Variants in MGST1 observed in about 807,000 individuals in gnomAD.
MGST1 encodes the protein microsomal glutathione S-transferase 1.
MGST1 carries 5 observed loss-of-function variants against 8.9 expected under a neutral mutation model. The ratio of observed to expected loss-of-function variants is 0.56; its 90% CI spans 0.29 to 1.19. The LOEUF is 1.19. Ranked by LOEUF, MGST1 falls within the 50% of genes most tolerant of loss-of-function variation. The pLI, the probability that MGST1 is intolerant of heterozygous loss-of-function variation, is 0.08. For missense variants in MGST1, 182 were observed against 187.4 expected (o/e 0.97, Z 0.17); for synonymous variants, 54 against 67.8 (o/e 0.80, Z 1.00).
At chr12:16,354,092 A>T in intron 1 of MGST1, 139 bp from the exon 2 acceptor site, 3 of 677,442 alleles carry the variant, frequency 4.4e-6, no homozygotes, top group South Asian at 5.3e-5. Flanking sequence ...AAAACTAAAC[A>T]ATCATTTCTT....
intron 1 of MGST1, among the ~76,000 whole-genome samples, chr12:16,405,948 A>G (rs140234406): frequency 0.051 from 7,775 of 152,274 alleles, 643 homozygotes; most frequent in African/African-American, 0.17. Context: ...CTCACAGCCA[A>G]CATCATACTG....
chr12:16,350,095 G>A (rs1250078475), intron 1 of MGST1, among the ~76,000 whole-genome samples: 1 of 152,056 alleles, frequency 6.6e-6, no homozygotes, highest in Non-Finnish European at 1.5e-5. Flanking sequence ...CAGTGAAATG[G>A]GAGTTCTTAT....
rs1455948226 is a variant in MGST1 at position 16,361,898 on chromosome 12, C to G, written c.222-1897C>G. Reference sequence around the variant, plus strand: ...TAGAAAGGTAAAGGAACCCCTGCCCCTTGACCTTCCTTCCCTCTACCCTCA... The same window carrying G: ...TAGAAAGGTAAAGGAACCCCTGCCCGTTGACCTTCCTTCCCTCTACCCTCA... On this transcript the variant is annotated intron_variant, in intron 3 of 3. Coordinates refer to ENST00000396210, the MANE Select transcript of MGST1 (RefSeq NM_020300.5). This position sits in a 1 kb window ranked among gnomAD's most constrained non-coding sequence, Gnocchi z 4.2. 2.0e-5 allele frequency among the ~76,000 whole-genome samples: 3 copies of G among 152,144 alleles called. No homozygotes were observed. Among genetic ancestry groups the G allele is most frequent in the Non-Finnish European group, 4.4e-5 (3 of 68,024 alleles).
chr12:16,359,537 G>A (rs1339966622), intron 3 of MGST1, among the ~76,000 whole-genome samples: 5 of 151,946 alleles, frequency 3.3e-5, no homozygotes, highest in Admixed American at 6.6e-5. Context: ...AATAGTTTCA[G>A]GACAAAGAAT....
chr12:16,476,016 G>A (rs1941320671), intron 4 of MGST1, among the ~76,000 whole-genome samples: 1 of 152,004 alleles, frequency 6.6e-6, no homozygotes, highest in African/African-American at 2.4e-5. Context: ...AGCTTCCTCA[G>A]TTTCCATTTT....
At chr12:16,353,710 T>TA (rs201508980) in intron 1 of MGST1, among the ~76,000 whole-genome samples, 2,133 of 152,076 alleles carry the variant, frequency 0.014, 22 homozygotes, top group South Asian at 0.026. Context: ...TTGCTTGATG[T>TA]CTTCAAGCTA....
intron 1 of MGST1, among the ~76,000 whole-genome samples, chr12:16,426,920 G>A (rs553107073): frequency 1.3e-4 from 18 of 141,262 alleles, no homozygotes; most frequent in African/African-American, 3.9e-4. Flanking sequence ...GCAGTGAGCC[G>A]AGATCACACC....
chr12:16,386,657 C>G (rs1940506451), intron 1 of MGST1, among the ~76,000 whole-genome samples: 1 of 152,196 alleles, frequency 6.6e-6, no homozygotes, highest in Non-Finnish European at 1.5e-5. Context: ...GTATGCCGCT[C>G]ACTGTGTGAG....
At position 16,410,410 on chromosome 12, in the gene MGST1, G is replaced by A. The variant is rs1196048832; in HGVS notation, n.778+26806G>A. ...TTCAAGTTCCCACCAGTTCTCACCC[G>A]AATTGCTGCAATAGCCCGTCTGTGT... On this transcript the variant is annotated intron_variant and non_coding_transcript_variant, in intron 1 of 1. Transcript: ENST00000359720. The surrounding 1 kb of genome is among the most constrained non-coding windows in gnomAD (Gnocchi z 4.4). Among the ~76,000 whole-genome samples, 1 of 151,662 alleles carries A rather than the reference G, an allele frequency of 6.6e-6. No homozygotes were observed. Among genetic ancestry groups the A allele is most frequent in the Non-Finnish European group, 1.5e-5 (1 of 67,962 alleles).
At chr12:16,492,245 A>G (rs1459344347) in intron 4 of MGST1, among the ~76,000 whole-genome samples, 4 of 152,170 alleles carry the variant, frequency 2.6e-5, no homozygotes, top group Non-Finnish European at 5.9e-5. Context: ...TTGCACCTGA[A>G]AAATAGTCAT....
At position 16,451,660 on chromosome 12, in the gene MGST1, T is replaced by A. The variant is rs186949919; in HGVS notation, n.482+68056T>A. On this transcript the variant is annotated intron_variant and non_coding_transcript_variant, in intron 4 of 4. Transcript: ENST00000538857. Reference sequence around the variant, plus strand: ...ATGATATACAGATCACTATCTATATTTTTTTAAGAGCATCTAAACTTTGGT... The same window carrying A: ...ATGATATACAGATCACTATCTATATATTTTTAAGAGCATCTAAACTTTGGT... 1.1e-4 allele frequency among the ~76,000 whole-genome samples: 16 copies of A among 152,006 alleles called. No individual in the cohort carries two copies. In the East Asian group the frequency reaches 2.9e-3, roughly 28 times the overall value.
downstream of MGST1, among the ~76,000 whole-genome samples, chr12:16,442,729 A>G (rs1941048702): frequency 6.6e-6 from 1 of 151,830 alleles, no homozygotes; most frequent in Non-Finnish European, 1.5e-5. The surrounding 1 kb of genome is among the most constrained non-coding windows in gnomAD (Gnocchi z 4.5). Flanking sequence ...GGGTAGTGTC[A>G]GTCCTCTGAC....
chr12:16,431,017 T>G (rs1272879785), intron 1 of MGST1, among the ~76,000 whole-genome samples: 2 of 152,244 alleles, frequency 1.3e-5, no homozygotes, highest in Non-Finnish European at 2.9e-5. Flanking sequence ...AGCTTCTACA[T>G]CAGCACTGGT....
intron 1 of MGST1, among the ~76,000 whole-genome samples, chr12:16,384,215 G>T (rs143703533): frequency 1.6e-3 from 236 of 152,206 alleles, no homozygotes; most frequent in African/African-American, 5.2e-3. Flanking sequence ...CCATGTAATT[G>T]ATTTAAATGT....
At position 16,513,603 on chromosome 12, in the gene MGST1, CG is replaced by C; in HGVS notation, n.483-75923del. The C allele has an allele frequency of 2.0e-6, 1 of 494,360 alleles. No individual in the cohort carries two copies. Among genetic ancestry groups the C allele is most frequent in the South Asian group, 1.5e-5 (1 of 65,702 alleles). 30.6% of individuals were successfully genotyped at this position (494,360 alleles called of 1,614,324 possible). On this transcript the variant is annotated intron_variant and non_coding_transcript_variant, in intron 4 of 4. Coordinates refer to the MGST1 transcript ENST00000538857. This position sits in a 1 kb window ranked among gnomAD's most constrained non-coding sequence, Gnocchi z 4.2. ...GAGTTAGTGCCTACAGGGACCACAA[CG>C]GAAAGCCTTACAGCATCCACAAGGC...
intron 1 of MGST1, among the ~76,000 whole-genome samples, chr12:16,422,326 C>G (rs150871271): frequency 6.6e-6 from 1 of 152,070 alleles, no homozygotes; most frequent in African/African-American, 2.4e-5. Flanking sequence ...TCAGATATAC[C>G]GCACAAATCC....
At chr12:16,463,637 GTT>G (rs545860017) in intron 4 of MGST1, among the ~76,000 whole-genome samples, 5,079 of 146,794 alleles carry the variant, frequency 0.035, 240 homozygotes, top group African/African-American at 0.11. Flanking sequence ...GTGAGGCAGA[GTT>G]TTTTTTTTTA....
chr12:16,567,580 G>A (rs1189073647), intron 4 of MGST1: 1 of 152,264 alleles, frequency 6.6e-6, no homozygotes, highest in African/African-American at 2.4e-5. Flanking sequence ...GATGATGTTA[G>A]AGGGTGAGCA....
chr12:16,515,069 C>T (rs1941603153), intron 4 of MGST1, among the ~76,000 whole-genome samples: 1 of 152,140 alleles, frequency 6.6e-6, no homozygotes, highest in Admixed American at 6.5e-5. Flanking sequence ...TGAGAGAAGA[C>T]CTAGTTCTGT....
Sources: gnomAD v4.1 joint callset for allele counts (sites outside exome capture counted in the v4.1 genomes callset) on GRCh38, gnomAD v4.1.1 for gene constraint, Gnocchi (gnomAD v3.1) non-coding constraint, MANE v1.5 for transcripts, NCBI Gene and HGNC (gene_info 2026-07-23, HGNC 2026-07-21) for gene names.